DAB1: variants seen among roughly 807,000 people sequenced by gnomAD.
The protein encoded by DAB1 is DAB adaptor protein 1, also known as disabled homolog 1.
In DAB1, 15 loss-of-function variants were observed where a neutral mutation model predicts 64.6. The ratio of observed to expected loss-of-function variants is 0.23; its 90% confidence interval spans 0.16 to 0.36. DAB1 has a LOEUF of 0.36. Ranked by LOEUF, DAB1 falls within the 10% of genes least tolerant of loss-of-function variation. DAB1 has a pLI of 1.00. For missense variants in DAB1, 596 were observed against 706.7 expected (o/e 0.84, Z 1.78); for synonymous variants, 235 against 251.9 (o/e 0.93, Z 0.64).
intron 1 of DAB1, among the ~76,000 whole-genome samples, chr1:57,367,712 G>A (rs967499548): frequency 6.6e-6 from 1 of 152,260 alleles, no homozygotes; most frequent in African/African-American, 2.4e-5. Context: ...GCAGGAGCTG[G>A]GGACAAGTGG....
At chr1:57,353,900 T>C (rs774102963) in intron 1 of DAB1, among the ~76,000 whole-genome samples, 13 of 152,176 alleles carry the variant, frequency 8.5e-5, no homozygotes, top group Non-Finnish European at 1.3e-4. Flanking sequence ...CCGGATGTTA[T>C]CTATAAACAC....
At chr1:57,539,856 C>A (rs1050934793) in intron 7 of DAB1, among the ~76,000 whole-genome samples, 1 of 152,144 alleles carries the variant, frequency 6.6e-6, no homozygotes, top group African/African-American at 2.4e-5. Flanking sequence ...ACAAGGTAGT[C>A]CAGAGCTTAT....
chr1:58,226,350 T>C (rs1659482794), intron 4 of DAB1, among the ~76,000 whole-genome samples: 1 of 152,096 alleles, frequency 6.6e-6, no homozygotes, highest in African/African-American at 2.4e-5. Flanking sequence ...ACTAGTTTTT[T>C]TTCAGCCCTT....
At chr1:58,065,951 C>A (rs543312356) in intron 5 of DAB1, among the ~76,000 whole-genome samples, 25 of 152,272 alleles carry the variant, frequency 1.6e-4, no homozygotes, top group African/African-American at 5.8e-4. Context: ...CCGAGGCAAT[C>A]CCAGGGAAGG....
intron 1 of DAB1, among the ~76,000 whole-genome samples, chr1:57,407,047 A>G (rs762277761): frequency 4.6e-5 from 7 of 152,218 alleles, no homozygotes; most frequent in Non-Finnish European, 8.8e-5. Context: ...ATGCAGCTTT[A>G]TTAATCTTGC....
At chr1:58,022,070 G>A (rs1646822900) in intron 5 of DAB1, among the ~76,000 whole-genome samples, 1 of 152,228 alleles carries the variant, frequency 6.6e-6, no homozygotes, top group Admixed American at 6.5e-5. Flanking sequence ...GAGGAACCTA[G>A]ACAGATCCCA....
chr1:58,305,729 G>A (rs1662290473), intron 4 of DAB1, among the ~76,000 whole-genome samples: 1 of 152,144 alleles, frequency 6.6e-6, no homozygotes, highest in African/African-American at 2.4e-5. Context: ...CATTCCCCAA[G>A]CATCTCTGTT....
intron 2 of DAB1, among the ~76,000 whole-genome samples, chr1:58,515,558 T>C (rs1646146498): frequency 6.6e-6 from 1 of 152,230 alleles, no homozygotes; most frequent in African/African-American, 2.4e-5. Context: ...TTCTGGGTGA[T>C]AAAATTAAGT....
intron 3 of DAB1, among the ~76,000 whole-genome samples, chr1:58,400,192 C>A (rs1277596759): frequency 6.6e-6 from 1 of 151,368 alleles, no homozygotes; most frequent in Non-Finnish European, 1.5e-5. Flanking sequence ...TCAACAGAAA[C>A]CAGCTTTCCA....
intron 5 of DAB1, among the ~76,000 whole-genome samples, chr1:58,057,864 G>A (rs996339786): frequency 4.6e-5 from 7 of 151,956 alleles, no homozygotes; most frequent in African/African-American, 1.7e-4. Flanking sequence ...AAGCTGCCTA[G>A]GAGCATCCTC....
chr1:57,358,859 C>T (rs1468433559), intron 1 of DAB1, among the ~76,000 whole-genome samples: 1 of 151,872 alleles, frequency 6.6e-6, no homozygotes, highest in Non-Finnish European at 1.5e-5. Flanking sequence ...ACAAAGAAGC[C>T]AAGAACACAC....
intron 7 of DAB1, among the ~76,000 whole-genome samples, chr1:57,630,600 AG>A (rs1367938609): frequency 6.6e-6 from 1 of 152,222 alleles, no homozygotes; most frequent in Non-Finnish European, 1.5e-5. Flanking sequence ...GACACTTGCT[AG>A]CCACATGACC....
chr1:57,622,568 G>A (rs977162500), intron 7 of DAB1, among the ~76,000 whole-genome samples: 9 of 152,202 alleles, frequency 5.9e-5, no homozygotes, highest in Non-Finnish European at 1.5e-5. Flanking sequence ...AGTCTGTGTG[G>A]TAGCTACTAT....
chr1:58,305,960 C>T (rs1468658627), intron 4 of DAB1, among the ~76,000 whole-genome samples: 1 of 152,152 alleles, frequency 6.6e-6, no homozygotes, highest in Non-Finnish European at 1.5e-5. Flanking sequence ...TCAGGCCTGG[C>T]AGGGCTGTGA....
At chr1:57,756,002 G>A (rs1052234995) in intron 6 of DAB1, among the ~76,000 whole-genome samples, 1 of 152,162 alleles carries the variant, frequency 6.6e-6, no homozygotes, top group African/African-American at 2.4e-5. Flanking sequence ...AGAAATTTCG[G>A]AAAGAATATA....
intron 2 of DAB1, among the ~76,000 whole-genome samples, chr1:57,194,689 T>C (rs776531370): frequency 6.6e-6 from 1 of 152,176 alleles, no homozygotes; most frequent in Non-Finnish European, 1.5e-5. Context: ...AAAATTCTCC[T>C]ACCATCTGAA....
At chr1:58,019,980 A>G (rs545227660) in intron 5 of DAB1, among the ~76,000 whole-genome samples, 7 of 152,172 alleles carry the variant, frequency 4.6e-5, no homozygotes, top group Non-Finnish European at 8.8e-5. Context: ...ATTTCTTTAT[A>G]ATGTTTCCTG....
At chr1:57,486,649 A>G (rs986033651) in intron 7 of DAB1, among the ~76,000 whole-genome samples, 3 of 152,112 alleles carry the variant, frequency 2.0e-5, no homozygotes, top group African/African-American at 7.2e-5. Context: ...TTTGCTTCCC[A>G]TCTTACCCTC....
rs575688691 is a variant in DAB1 at position 57,773,701 on chromosome 1, T to C, written n.551+110298A>G. 1.4e-3 allele frequency among the ~76,000 whole-genome samples: 215 copies of C among 152,140 alleles called. 1 individual carries two copies. The highest frequency in any genetic ancestry group is 4.9e-3 in the African/African-American group (203 of 41,558). On this transcript the variant is annotated intron_variant and non_coding_transcript_variant, in intron 6 of 20. Coordinates refer to the DAB1 transcript ENST00000485760. ...AAGTGTATGATATGCGATGAGGGTCTAGTACTTTTCTTTTTCATATAAATA... is the reference window on the plus strand; with the variant it reads ...AAGTGTATGATATGCGATGAGGGTCCAGTACTTTTCTTTTTCATATAAATA...
Sources: allele counts gnomAD v4.1 joint callset (sites outside exome capture counted in the v4.1 genomes callset), GRCh38; gene constraint gnomAD v4.1.1; transcripts MANE v1.5; gene names NCBI Gene and HGNC (gene_info 2026-07-23, HGNC 2026-07-21).